WWOX: variants seen among roughly 807,000 people sequenced by gnomAD.
WWOX encodes WW domain containing oxidoreductase, also known as WW domain-containing oxidoreductase.
In WWOX, 69 loss-of-function variants were observed where a neutral mutation model predicts 46.2. That is an observed-to-expected ratio of 1.49 (90% CI 1.23 to 1.82). WWOX has a LOEUF of 1.82. WWOX is among the 40% of genes most tolerant of loss of function. The pLI is 0.00. For synonymous variants in WWOX, 359 were observed against 202.6 expected (o/e 1.77, Z -6.56); for missense variants, 919 against 542.6 (o/e 1.69, Z -6.89).
In WWOX at chr16:78,686,830, G is replaced by A. The variant is rs1002881410; in HGVS notation, c.1056+254078G>A. Among the ~76,000 whole-genome samples the A allele has an allele frequency of 2.6e-5, 4 of 152,274 alleles. No homozygotes were observed. In the South Asian group the frequency reaches 6.2e-4, roughly 24 times the overall value. On this transcript the variant is annotated intron_variant, in intron 8 of 8. Transcript: ENST00000566780. ...ACTGTTTTCTCTGGCCAGGAGACAG[G>A]CTTCGTTTTCGAAACTCACCCAGGA... is the stretch of plus-strand genomic sequence containing the variant.
intron 5 of WWOX, among the ~76,000 whole-genome samples, chr16:78,299,396 A>T (rs530966576): frequency 5.1e-4 from 78 of 152,280 alleles, no homozygotes; most frequent in African/African-American, 1.8e-3. Context: ...AATGAAAACA[A>T]CCAAGAATAG....
At chr16:78,589,799 C>CT (rs111433385) in intron 8 of WWOX, among the ~76,000 whole-genome samples, 10 of 152,256 alleles carry the variant, frequency 6.6e-5, no homozygotes, top group East Asian at 3.9e-4. Flanking sequence ...CTTTTTCCCC[C>CT]TTTTTTCTCC....
intron 5 of WWOX, among the ~76,000 whole-genome samples, chr16:78,288,841 G>T (rs981865944): frequency 3.0e-4 from 45 of 152,232 alleles, no homozygotes; most frequent in African/African-American, 1.0e-3. Context: ...GGTGGGGGCT[G>T]CTAGATTTTT....
In WWOX at chr16:78,176,962, A is replaced by G. The variant is rs575419529; in HGVS notation, c.516+12673A>G. Among the ~76,000 whole-genome samples, 6 of 152,294 alleles carry G rather than the reference A, an allele frequency of 3.9e-5. No individual in the cohort carries two copies. The East Asian group carries it at 1.2e-3, about 29-fold the overall frequency. ...GGTGCTACTCAAAGCATGGTCCCTGACCTGCAGCATCAGTGTCACTTGAGA... is the reference window on the plus strand; with the variant it reads ...GGTGCTACTCAAAGCATGGTCCCTGGCCTGCAGCATCAGTGTCACTTGAGA... On this transcript the variant is annotated intron_variant, in intron 5 of 8. Coordinates refer to ENST00000566780, the MANE Select transcript of WWOX (RefSeq NM_016373.4).
At chr16:78,856,066 G>A (rs2052558953) in intron 8 of WWOX, among the ~76,000 whole-genome samples, 1 of 152,208 alleles carries the variant, frequency 6.6e-6, no homozygotes, top group South Asian at 2.1e-4. Flanking sequence ...CTTCAGACAG[G>A]GGAAGACAAA....
intron 5 of WWOX, among the ~76,000 whole-genome samples, chr16:78,261,495 A>G (rs1213044288): frequency 6.6e-6 from 1 of 150,468 alleles, no homozygotes; most frequent in Non-Finnish European, 1.5e-5. Context: ...AGCCACTCAA[A>G]TTCCATTTCT....
chr16:79,122,382 T>G (rs1223206280), intron 8 of WWOX, among the ~76,000 whole-genome samples: 1 of 152,130 alleles, frequency 6.6e-6, no homozygotes, highest in East Asian at 1.9e-4. Flanking sequence ...CCGCACAAAA[T>G]CCTCCAATAT....
At chr16:79,120,706 G>T (rs1049606939) in intron 8 of WWOX, among the ~76,000 whole-genome samples, 2 of 152,148 alleles carry the variant, frequency 1.3e-5, no homozygotes, top group Admixed American at 6.5e-5. Context: ...TACTCTATCT[G>T]TGCCTCCATG....
intron 8 of WWOX, among the ~76,000 whole-genome samples, chr16:78,837,391 G>T (rs899326903): frequency 2.6e-5 from 4 of 152,116 alleles, no homozygotes; most frequent in African/African-American, 7.2e-5. Flanking sequence ...GTGTCATTCT[G>T]TGTGATATTG....
At chr16:79,008,105 T>C (rs12932061) in intron 8 of WWOX, among the ~76,000 whole-genome samples, 41,719 of 152,006 alleles carry the variant, frequency 0.27, 6,092 homozygotes, top group East Asian at 0.57. Context: ...CCCTTGGTTA[T>C]TAACAGAATT....
Position 78,819,210 on chromosome 16 carries a change from G to T in WWOX, c.1056+386458G>T, listed in dbSNP as rs573612036. ...CAGGTTCCCAGGTGAAATGAGCCCC[G>T]GCTCAGCAGGCCAGTTGTCTTCAGT... On this transcript the variant is annotated intron_variant, in intron 8 of 8. Transcript: ENST00000566780. Among the ~76,000 whole-genome samples, 3 of 152,266 alleles carry T rather than the reference G, an allele frequency of 2.0e-5. No homozygotes were observed. In the East Asian group the frequency reaches 5.8e-4, roughly 29 times the overall value.
intron 8 of WWOX, among the ~76,000 whole-genome samples, chr16:78,562,407 A>G (rs146323070): frequency 1.6e-4 from 24 of 152,320 alleles, no homozygotes; most frequent in African/African-American, 5.1e-4. Flanking sequence ...TTCACACTCC[A>G]GGAATGTATC....
intron 8 of WWOX, among the ~76,000 whole-genome samples, chr16:79,070,908 A>G (rs2048537928): frequency 6.6e-6 from 1 of 152,122 alleles, no homozygotes; most frequent in Non-Finnish European, 1.5e-5. Flanking sequence ...TAGCATCGTC[A>G]CTCAGCACAG....
intron 5 of WWOX, among the ~76,000 whole-genome samples, chr16:78,325,093 A>C (rs966836686): frequency 6.6e-6 from 1 of 152,184 alleles, no homozygotes; most frequent in Non-Finnish European, 1.5e-5. Flanking sequence ...TCTCTGTAAC[A>C]GCCTGGGAGT....
intron 8 of WWOX, among the ~76,000 whole-genome samples, chr16:78,716,529 T>C (rs900397936): frequency 6.6e-6 from 1 of 152,128 alleles, no homozygotes; most frequent in Non-Finnish European, 1.5e-5. Flanking sequence ...GCCCTCACTT[T>C]TGGGTCCCTA....
intron 8 of WWOX, among the ~76,000 whole-genome samples, chr16:79,057,287 C>G (rs897575112): frequency 1.6e-4 from 24 of 152,178 alleles, no homozygotes; most frequent in Admixed American, 1.5e-3. Flanking sequence ...TGATTCTCCC[C>G]AGCATGGGGG....
intron 5 of WWOX, among the ~76,000 whole-genome samples, chr16:78,332,935 C>G (rs1199725463): frequency 2.6e-5 from 4 of 151,778 alleles, no homozygotes; most frequent in Non-Finnish European, 4.4e-5. Context: ...CTATAATAAT[C>G]ATAAACCATG....
intron 8 of WWOX, among the ~76,000 whole-genome samples, chr16:78,864,511 C>G (rs868778487): frequency 1.3e-5 from 2 of 152,072 alleles, no homozygotes; most frequent in South Asian, 2.1e-4. Flanking sequence ...TCAGGAGATC[C>G]GCCTGCCTTG....
intron 8 of WWOX, among the ~76,000 whole-genome samples, chr16:78,766,502 T>C (rs956929570): frequency 2.0e-5 from 3 of 152,202 alleles, no homozygotes; most frequent in Non-Finnish European, 4.4e-5. Context: ...GCAGGAGGGC[T>C]GCTTGAGCTC....
Sources: gnomAD v4.1 joint callset for allele counts (sites outside exome capture counted in the v4.1 genomes callset) on GRCh38, gnomAD v4.1.1 for gene constraint, MANE v1.5 for transcripts, NCBI Gene and HGNC (gene_info 2026-07-23, HGNC 2026-07-21) for gene names.